MAP2K5: variants seen among roughly 807,000 people sequenced by gnomAD.
MAP2K5 encodes mitogen-activated protein kinase kinase 5, also known as dual specificity mitogen-activated protein kinase kinase 5.
A neutral mutation model predicts 83.1 loss-of-function variants in MAP2K5; 49 were observed. The observed-to-expected ratio is 0.59, with a 90% CI of 0.47 to 0.75. MAP2K5 has a LOEUF of 0.75. Ranked by LOEUF, MAP2K5 falls within the 30% of genes least tolerant of loss-of-function variation. MAP2K5 has a pLI of 0.00. For missense variants in MAP2K5, 457 were observed against 557.5 expected, an observed-to-expected ratio of 0.82 and a Z score of 1.82; for synonymous variants, 202 against 191.8, an observed-to-expected ratio of 1.05 and a Z score of -0.44.
chr15:67,572,708 T>TG lies in MAP2K5; in HGVS notation c.253-8046_253-8045insG. 7.9e-6 allele frequency among the ~76,000 whole-genome samples: 1 copy of TG among 126,214 alleles called. No individual in the cohort carries two copies. The highest frequency in any genetic ancestry group is 7.5e-5 in the Admixed American group (1 of 13,406). 82.8% of individuals were successfully genotyped at this position (126,214 alleles called of 152,430 possible). A position where few individuals can be genotyped will look rare whatever the true frequency, so the allele number is the denominator to read the frequency against. ...CAAGAATTGATATTATTATTATTAT[T>TG]TTTTTTTTTGAGATGGAGTCTTGCT... On this transcript the variant is annotated intron_variant, in intron 3 of 21. Coordinates refer to ENST00000178640, the MANE Select transcript of MAP2K5 (RefSeq NM_145160.3). The surrounding 1 kb of genome is among the most constrained non-coding windows in gnomAD (Gnocchi z 4.2).
chr15:67,687,804 A>G (rs1178388133), intron 13 of MAP2K5, among the ~76,000 whole-genome samples: 1 of 152,078 alleles, frequency 6.6e-6, no homozygotes, highest in Non-Finnish European at 1.5e-5. Flanking sequence ...TGTTTCCTGT[A>G]TGTACCAGAC....
chr15:67,807,065 AG>A lies in MAP2K5; in HGVS notation c.*317del. The A allele has an allele frequency of 1.1e-6, 1 of 898,124 alleles. No individual in the cohort carries two copies. Among genetic ancestry groups the A allele is most frequent in the South Asian group, 1.7e-5 (1 of 57,678 alleles). The allele number at this position is 898,124 out of a possible 1,614,324, so 55.6% of individuals were successfully genotyped here. On this transcript the variant is annotated 3_prime_UTR_variant, in exon 22 of 22. Transcript: ENST00000178640. This position sits in a 1 kb window ranked among gnomAD's most constrained non-coding sequence, Gnocchi z 5.1. ...CTAATGTTTTTCTCTATAAAGGGTCAGGCCCGTCAGCATCACTGATGGGAAT... is the reference window on the plus strand; with the variant it reads ...CTAATGTTTTTCTCTATAAAGGGTCAGCCCGTCAGCATCACTGATGGGAAT...
rs2085111982 is a variant in MAP2K5, at chr15:67,578,551, A to G, written c.253-2203A>G. Among the ~76,000 whole-genome samples, 3 of 152,208 alleles carry G rather than the reference A, an allele frequency of 2.0e-5. No homozygotes were observed. The South Asian group carries it at 6.2e-4, about 31-fold the overall frequency. ...GAAAATATACTTGGATTTAGAGGAA[A>G]TATAAAAAACAAAAAACACAACCTA... On this transcript the variant is annotated intron_variant, in intron 3 of 21. Transcript: ENST00000178640.
chr15:67,648,620 T>A (rs1299259080), intron 11 of MAP2K5, among the ~76,000 whole-genome samples: 11 of 151,818 alleles, frequency 7.2e-5, no homozygotes, highest in Non-Finnish European at 1.5e-4. Flanking sequence ...TCGCCTAGGC[T>A]GGAGTGCAGT....
At position 67,562,454 on chromosome 15, in the gene MAP2K5, T is replaced by C. The variant is rs1244105020; in HGVS notation, c.185-829T>C. On this transcript the variant is annotated intron_variant, in intron 2 of 21. Transcript: ENST00000178640. This position sits in a 1 kb window ranked among gnomAD's most constrained non-coding sequence, Gnocchi z 4.1. The stretch of plus-strand genomic sequence containing the variant: ...AAAACTACTTTGAATAAGAGAAGTA[T>C]CATGAAATAAATACATTATTTCTAG... Among the ~76,000 whole-genome samples the C allele has an allele frequency of 6.6e-6, 1 of 152,210 alleles. No individual in the cohort carries two copies. The highest frequency in any genetic ancestry group is 1.5e-5 in the Non-Finnish European group (1 of 68,038).
At chr15:67,614,129 A>G (rs1047031021) in intron 8 of MAP2K5, among the ~76,000 whole-genome samples, 1 of 152,182 alleles carries the variant, frequency 6.6e-6, no homozygotes, top group Non-Finnish European at 1.5e-5. Context: ...TTGGCTTCAG[A>G]GGACCCAGAT....
In MAP2K5 at chr15:67,562,157, T is replaced by C. The variant is rs1322069804; in HGVS notation, c.185-1126T>C. On this transcript the variant is annotated intron_variant, in intron 2 of 21. Transcript: ENST00000178640. The surrounding 1 kb of genome is among the most constrained non-coding windows in gnomAD (Gnocchi z 4.1). ...CTTCCAAGTTGTCCCCTTGGGAGGC[T>C]CTGTACGTTGCTCCAGACGTTTTTG... is the stretch of plus-strand genomic sequence containing the variant. Among the ~76,000 whole-genome samples, 1 of 152,244 alleles carries C rather than the reference T, an allele frequency of 6.6e-6. No homozygotes were observed. Among genetic ancestry groups the C allele is most frequent in the African/African-American group, 2.4e-5 (1 of 41,468 alleles).
Position 67,586,911 on chromosome 15 carries a change from T to C in MAP2K5, c.429T>C (p.Asn143=). The change falls in exon 6 of 22, where the codon AAT becomes AAC. Residue 143 remains asparagine (N), a splice_region_variant and synonymous_variant. Transcript: ENST00000178640. ...CAGTCTCAGATTCACTTCCAAGCAATAGGTGCGAGCGAGCAAGTAAAGTGT... is the reference window on the plus strand; with the variant it reads ...CAGTCTCAGATTCACTTCCAAGCAACAGGTGCGAGCGAGCAAGTAAAGTGT... ...SPAVSDSLPS[N]SLKKSSAELK... is the part of the protein sequence containing the mutation. 2 of 1,614,002 alleles carry C rather than the reference T, an allele frequency of 1.2e-6. No homozygotes were observed. The highest frequency in any genetic ancestry group is 1.7e-6 in the Non-Finnish European group (2 of 1,179,986).
intron 13 of MAP2K5, among the ~76,000 whole-genome samples, chr15:67,673,545 G>C (rs1163516438): frequency 6.6e-6 from 1 of 152,068 alleles, no homozygotes; most frequent in Non-Finnish European, 1.5e-5. Context: ...TGATGTCAAG[G>C]TGGTAGTTAA....
At chr15:67,742,943 T>C (rs2089526872) in intron 17 of MAP2K5, among the ~76,000 whole-genome samples, 1 of 152,188 alleles carries the variant, frequency 6.6e-6, no homozygotes, top group African/African-American at 2.4e-5. Context: ...AAATGAATAA[T>C]GTTTTGCTGT....
In MAP2K5 at chr15:67,770,047, C is replaced by G. The variant is rs942203465; in HGVS notation, c.1196+384C>G. Reference sequence around the variant, plus strand: ...AGTTACCCATAAAACTGTCTTGTCACTTAGTGGAAGCAGCATAGTTTATTA... The same window carrying G: ...AGTTACCCATAAAACTGTCTTGTCAGTTAGTGGAAGCAGCATAGTTTATTA... On this transcript the variant is annotated intron_variant, in intron 20 of 21. Transcript: ENST00000178640. The surrounding 1 kb of genome is among the most constrained non-coding windows in gnomAD (Gnocchi z 5.0). 1 of 163,026 alleles carries G rather than the reference C, an allele frequency of 6.1e-6. No individual in the cohort carries two copies. Among genetic ancestry groups the G allele is most frequent in the African/African-American group, 2.4e-5 (1 of 41,694 alleles). 10.1% of individuals were successfully genotyped at this position (163,026 alleles called of 1,614,324 possible). A position where few individuals can be genotyped will look rare whatever the true frequency, so the allele number is the denominator to read the frequency against.
rs941217878 is a variant in MAP2K5 at position 67,786,138 on chromosome 15, G to A, written c.1242+13386G>A. ...TCTTTGGGTCATGATTTTCTCATCT[G>A]TCTGATGTTCCTGGGTATTTCCAGC... On this transcript the variant is annotated intron_variant, in intron 21 of 21. Coordinates refer to ENST00000178640, the MANE Select transcript of MAP2K5 (RefSeq NM_145160.3). The surrounding 1 kb of genome is among the most constrained non-coding windows in gnomAD (Gnocchi z 4.7). Among the ~76,000 whole-genome samples, 1 of 152,084 alleles carries A rather than the reference G, an allele frequency of 6.6e-6. No individual in the cohort carries two copies. Among genetic ancestry groups the A allele is most frequent in the African/African-American group, 2.4e-5 (1 of 41,408 alleles).
At chr15:67,596,046 G>C (rs529873481) in intron 7 of MAP2K5, among the ~76,000 whole-genome samples, 71 of 151,174 alleles carry the variant, frequency 4.7e-4, no homozygotes, top group African/African-American at 1.7e-3. Flanking sequence ...GATAAATCAA[G>C]TATAAATCTA....
intron 3 of MAP2K5, among the ~76,000 whole-genome samples, chr15:67,569,150 G>T (rs1444355457): frequency 6.6e-6 from 1 of 152,114 alleles, no homozygotes; most frequent in Admixed American, 6.5e-5. Flanking sequence ...TAGCATCAGG[G>T]CCTTAGCTAT....
At chr15:67,593,034 TG>T in intron 7 of MAP2K5, 60 bp downstream of exon 7, 4 of 1,105,840 alleles carry the variant, frequency 3.6e-6, no homozygotes, top group Non-Finnish European at 4.0e-6. Context: ...GTCCAGTTTT[TG>T]TATCCATAAG....
chr15:67,583,470 T>A (rs1057455225), intron 4 of MAP2K5, among the ~76,000 whole-genome samples: 39 of 152,332 alleles, frequency 2.6e-4, no homozygotes, highest in African/African-American at 9.4e-4. Context: ...TTTTTATTTC[T>A]GTGTTTTTTT....
At position 67,652,562 on chromosome 15, in the gene MAP2K5, C is replaced by T. The variant is rs943768424; in HGVS notation, c.737-5991C>T. Reference sequence around the variant, plus strand: ...CACCAAGTCTTTCATGAGGGATCCACTCCTTTGACCCAAACACCTCTCACG... The same window carrying T: ...CACCAAGTCTTTCATGAGGGATCCATTCCTTTGACCCAAACACCTCTCACG... On this transcript the variant is annotated intron_variant, in intron 11 of 21. Coordinates refer to ENST00000178640, the MANE Select transcript of MAP2K5 (RefSeq NM_145160.3). The surrounding 1 kb of genome is among the most constrained non-coding windows in gnomAD (Gnocchi z 4.2). Among the ~76,000 whole-genome samples, 7 of 152,170 alleles carry T rather than the reference C, an allele frequency of 4.6e-5. No homozygotes were observed. The highest frequency in any genetic ancestry group is 3.2e-3 in the Middle Eastern group (1 of 316).
Position 67,780,785 on chromosome 15 carries a change from A to G in MAP2K5, c.1242+8033A>G, listed in dbSNP as rs2090316230. On this transcript the variant is annotated intron_variant, in intron 21 of 21. Coordinates refer to ENST00000178640, the MANE Select transcript of MAP2K5 (RefSeq NM_145160.3). The surrounding 1 kb of genome is among the most constrained non-coding windows in gnomAD (Gnocchi z 5.0). Reference sequence around the variant, plus strand: ...ATATTCAAAACATTTAACAACCAGTATAGCATGAGGATTACCGTTCAGAAC... The same window carrying G: ...ATATTCAAAACATTTAACAACCAGTGTAGCATGAGGATTACCGTTCAGAAC... Among the ~76,000 whole-genome samples the G allele has an allele frequency of 6.6e-6, 1 of 152,206 alleles. No individual in the cohort carries two copies. The highest frequency in any genetic ancestry group is 2.4e-5 in the African/African-American group (1 of 41,446).
At chr15:67,593,524 C>T (rs2085459155) in intron 7 of MAP2K5, among the ~76,000 whole-genome samples, 1 of 152,188 alleles carries the variant, frequency 6.6e-6, no homozygotes, top group Non-Finnish European at 1.5e-5. Context: ...TTATTTCTTA[C>T]TAATTTTGAT....
Sources: allele counts gnomAD v4.1 joint callset (sites outside exome capture counted in the v4.1 genomes callset), GRCh38; gene constraint gnomAD v4.1.1; non-coding constraint Gnocchi (gnomAD v3.1); transcripts MANE v1.5; gene names NCBI Gene and HGNC (gene_info 2026-07-23, HGNC 2026-07-21).